Variants in EPB41L3 observed in about 807,000 individuals in gnomAD.
EPB41L3 encodes the protein band 4.1-like protein 3.
In EPB41L3, 57 loss-of-function variants were observed where a neutral mutation model predicts 127.1. The observed-to-expected ratio is 0.45, with a 90% confidence interval of 0.36 to 0.56. EPB41L3 has a LOEUF of 0.56. EPB41L3 is among the 20% of genes least tolerant of loss of function. The pLI is 0.00. For missense variants in EPB41L3, 1,273 were observed against 1,372.2 expected, an observed-to-expected ratio of 0.93 and a Z score of 1.14; for synonymous variants, 572 against 549.5, an observed-to-expected ratio of 1.04 and a Z score of -0.57.
rs1262729624 is a variant in EPB41L3, at chr18:5,541,063, C to T, written c.-12+2850G>A. ...TCGCACCACTGCACTCCAGCCTGGGCGACAGAGCGAGACTCCGTCTCAAAA... is the reference window on the plus strand; with the variant it reads ...TCGCACCACTGCACTCCAGCCTGGGTGACAGAGCGAGACTCCGTCTCAAAA... On this transcript the variant is annotated intron_variant, in intron 1 of 22. Transcript: ENST00000341928. 1.8e-3 allele frequency among the ~76,000 whole-genome samples: 209 copies of T among 115,022 alleles called. 2 individuals are homozygous for T. The East Asian group carries it at 0.048, about 27-fold the overall frequency. 75.5% of individuals were successfully genotyped at this position (115,022 alleles called of 152,430 possible).
intron 1 of EPB41L3, among the ~76,000 whole-genome samples, chr18:5,621,314 A>G (rs2094859105): frequency 6.6e-6 from 1 of 152,202 alleles, no homozygotes; most frequent in Non-Finnish European, 1.5e-5. Flanking sequence ...AAATCTGACT[A>G]TGGTTAGAAT....
In EPB41L3 at chr18:5,543,770, G is replaced by T; in HGVS notation, c.-12+143C>A. On this transcript the variant is annotated intron_variant, in intron 1 of 22. Coordinates refer to ENST00000341928, the MANE Select transcript of EPB41L3 (RefSeq NM_012307.5). The surrounding 1 kb of genome is among the most constrained non-coding windows in gnomAD (Gnocchi z 5.2). ...CGGCCGCGCCGGGCGCGGGGCTCGG[G>T]ATTCGGGAGACCGCGCGGCGCCGAA... 6.1e-6 allele frequency: 4 copies of T among 654,492 alleles called. No individual in the cohort carries two copies. The highest frequency in any genetic ancestry group is 7.6e-6 in the Non-Finnish European group (4 of 528,976). 40.5% of individuals were successfully genotyped at this position (654,492 alleles called of 1,614,324 possible).
At chr18:5,454,883 A>T (rs1459315025) in intron 3 of EPB41L3, among the ~76,000 whole-genome samples, 1 of 152,220 alleles carries the variant, frequency 6.6e-6, no homozygotes, top group East Asian at 1.9e-4. Flanking sequence ...TTATTTAAAC[A>T]CCTTTAAGTT....
intron 2 of EPB41L3, among the ~76,000 whole-genome samples, chr18:5,484,276 A>G (rs2148122450): frequency 6.6e-6 from 1 of 151,696 alleles, no homozygotes; most frequent in East Asian, 1.9e-4. Flanking sequence ...AGAAGTTAAA[A>G]AAAAAATTAT....
chr18:5,396,290 A>ACT lies in EPB41L3; in HGVS notation c.2883_2884insAG (p.Pro963HisfsTer5). On this transcript the variant is annotated frameshift_variant, in exon 19 of 23. Coordinates refer to ENST00000341928, the MANE Select transcript of EPB41L3 (RefSeq NM_012307.5). LOFTEE classifies it high-confidence loss of function. ...ATTTCTAGCTTTACTCCTCCCGGTG[A>ACT]AACACTGCCAAAACTGATGGTTTCC... The ACT allele has an allele frequency of 6.2e-7, 1 of 1,614,226 alleles. No homozygotes were observed. The highest frequency in any genetic ancestry group is 8.5e-7 in the Non-Finnish European group (1 of 1,180,034).
Position 5,433,528 on chromosome 18 carries a change from G to A in EPB41L3, c.853C>T (p.His285Tyr). The change falls in exon 8 of 23, where the codon CAT (histidine) becomes TAT (tyrosine). Residue 285 changes from histidine to tyrosine, a missense_variant. This residue lies in a region of EPB41L3 where 326 missense variants were observed against 440.2 expected (regional missense o/e 0.74). Transcript: ENST00000341928. ...RGMTPAEAEM[H>Y]FLENAKKLSM... ...AATTTTTTGGCATTTTCCAAGAAAT[G>A]CATCTCTGCTTCTGCTGGCGTCATT... The A allele has an allele frequency of 6.2e-7, 1 of 1,613,296 alleles. No homozygotes were observed. Among genetic ancestry groups the A allele is most frequent in the Non-Finnish European group, 8.5e-7 (1 of 1,179,826 alleles).
chr18:5,407,156 GA>G (rs552607231), intron 15 of EPB41L3, 188 bp from the exon 16 acceptor site: 236 of 560,096 alleles, frequency 4.2e-4, no homozygotes, highest in Admixed American at 9.9e-4. Flanking sequence ...AAAGGAAACA[GA>G]AAAAAAAATC....
chr18:5,491,874 C>T (rs2090631982), intron 1 of EPB41L3, among the ~76,000 whole-genome samples: 2 of 152,150 alleles, frequency 1.3e-5, no homozygotes, highest in South Asian at 2.1e-4. Flanking sequence ...TCTCAAAGGA[C>T]ATAAGCTCTT....
chr18:5,506,562 A>G (rs929208339), intron 1 of EPB41L3, among the ~76,000 whole-genome samples: 1 of 151,686 alleles, frequency 6.6e-6, no homozygotes, highest in Non-Finnish European at 1.5e-5. Context: ...CCTAATACCC[A>G]TCACTAGTCC....
At chr18:5,619,608 T>C (rs779054571) in intron 1 of EPB41L3, among the ~76,000 whole-genome samples, 1 of 152,220 alleles carries the variant, frequency 6.6e-6, no homozygotes, top group Non-Finnish European at 1.5e-5. Context: ...CCAGGTCTAG[T>C]GGACTTTTAT....
intron 10 of EPB41L3, 104 bp from the exon 11 acceptor site, chr18:5,423,657 A>G: frequency 2.0e-6 from 2 of 1,019,928 alleles, no homozygotes; most frequent in Non-Finnish European, 2.8e-6. Flanking sequence ...CATGCTAAAC[A>G]TTTAACGCAC....
At chr18:5,498,391 C>T (rs187260973) in intron 1 of EPB41L3, among the ~76,000 whole-genome samples, 20 of 152,018 alleles carry the variant, frequency 1.3e-4, no homozygotes, top group African/African-American at 4.8e-4. Context: ...GTAAGAAGTT[C>T]AAGACTAGCC....
chr18:5,582,888 G>T (rs903792843), intron 3 of EPB41L3, among the ~76,000 whole-genome samples: 2 of 152,336 alleles, frequency 1.3e-5, no homozygotes, highest in South Asian at 4.1e-4. Context: ...AGGCAGTGAG[G>T]CATGCCCGGG....
intron 3 of EPB41L3, among the ~76,000 whole-genome samples, chr18:5,461,068 C>A (rs144571415): frequency 2.0e-4 from 31 of 152,098 alleles, no homozygotes; most frequent in Non-Finnish European, 3.1e-4. Context: ...AGTCATCATA[C>A]TATTAAAGAA....
At chr18:5,463,138 T>C (rs529252333) in intron 3 of EPB41L3, among the ~76,000 whole-genome samples, 3 of 152,350 alleles carry the variant, frequency 2.0e-5, no homozygotes, top group Admixed American at 6.5e-5. Flanking sequence ...GCCTTGGTTC[T>C]GGTTCTCAGC....
chr18:5,396,411 G>T, intron 18 of EPB41L3, 79 bp from the exon 19 acceptor site: 1 of 1,551,452 alleles, frequency 6.4e-7, no homozygotes. Flanking sequence ...CTCTCTTGGT[G>T]GTTATAAGCA....
At chr18:5,558,493 T>G (rs2094073540) in intron 3 of EPB41L3, among the ~76,000 whole-genome samples, 1 of 152,238 alleles carries the variant, frequency 6.6e-6, no homozygotes, top group Non-Finnish European at 1.5e-5. Context: ...GACACCATTA[T>G]ACTTTTGTGG....
intron 8 of EPB41L3, among the ~76,000 whole-genome samples, chr18:5,430,546 G>A (rs2078852061): frequency 6.6e-6 from 1 of 150,998 alleles, no homozygotes; most frequent in Non-Finnish European, 1.5e-5. Flanking sequence ...ATTGAGGTTA[G>A]TTTGAGAAAT....
At chr18:5,445,311 T>G (rs1001721470) in intron 3 of EPB41L3, 67 bp from the exon 4 acceptor site, 5 of 1,223,320 alleles carry the variant, frequency 4.1e-6, no homozygotes, top group Non-Finnish European at 6.0e-6. Flanking sequence ...ATATCAGAGA[T>G]AAAACCAGGT....
Sources: allele counts gnomAD v4.1 joint callset (sites outside exome capture counted in the v4.1 genomes callset), GRCh38; gene constraint gnomAD v4.1.1; regional missense constraint gnomAD v4.1.1; non-coding constraint Gnocchi (gnomAD v3.1); transcripts MANE v1.5; gene names NCBI Gene and HGNC (gene_info 2026-07-23, HGNC 2026-07-21).